ERBB4: variants seen among roughly 807,000 people sequenced by gnomAD.
The protein encoded by ERBB4 is receptor tyrosine-protein kinase erbB-4.
ERBB4 carries 42 observed loss-of-function variants against 158.0 expected under a neutral mutation model. That is an observed-to-expected ratio of 0.27 (90% CI 0.21 to 0.34). The LOEUF (loss-of-function observed/expected upper bound fraction) is 0.34, where lower values mean the gene tolerates loss of function less well. ERBB4 is among the 10% of genes least tolerant of loss of function. The pLI, the probability that ERBB4 is intolerant of heterozygous loss-of-function variation, is 1.00. For synonymous variants in ERBB4, 583 were observed against 558.7 expected, an observed-to-expected ratio of 1.04 and a Z score of -0.61; for missense variants, 1,333 against 1,624.1, an observed-to-expected ratio of 0.82 and a Z score of 3.08.
chr2:211,889,157 G>C (rs941430979), intron 3 of ERBB4, among the ~76,000 whole-genome samples: 10 of 143,700 alleles, frequency 7.0e-5, no homozygotes, highest in Non-Finnish European at 1.4e-4. Flanking sequence ...CTGTCTGACA[G>C]CTTTGAAGAG....
intron 1 of ERBB4, among the ~76,000 whole-genome samples, chr2:212,193,433 T>C (rs923970968): frequency 1.3e-5 from 2 of 152,104 alleles, no homozygotes; most frequent in Non-Finnish European, 2.9e-5. Context: ...TCTAGTTTAA[T>C]ACCTGCTGGG....
chr2:211,788,704 A>T (rs10932401), intron 3 of ERBB4, among the ~76,000 whole-genome samples: 92,905 of 151,938 alleles, frequency 0.61, 29,048 homozygotes, highest in African/African-American at 0.67. Context: ...GTTTTAAGAT[A>T]TTTGGTATCA....
intron 3 of ERBB4, among the ~76,000 whole-genome samples, chr2:211,901,715 G>C (rs762764718): frequency 6.6e-6 from 1 of 152,108 alleles, no homozygotes; most frequent in Non-Finnish European, 1.5e-5. Context: ...GTTAGGACTT[G>C]TCAAGGAAAA....
chr2:211,866,013 C>T (rs1369146825), intron 3 of ERBB4, among the ~76,000 whole-genome samples: 1 of 152,158 alleles, frequency 6.6e-6, no homozygotes, highest in East Asian at 1.9e-4. Context: ...AGAATATACA[C>T]TTATACTGTG....
rs766218904 is a variant in ERBB4, at chr2:211,561,926, T to C, written c.2464A>G (p.Asn822Asp). 1.2e-6 allele frequency: 2 copies of C among 1,614,116 alleles called. No homozygotes were observed. The highest frequency in any genetic ancestry group is 8.5e-7 in the Non-Finnish European group (1 of 1,180,010). Reference sequence around the variant, plus strand: ...ACCTTAGCTATCTGGACACACCAGTTAAGCAGCAGTTGTGATCCAATGTTA... The same window carrying C: ...ACCTTAGCTATCTGGACACACCAGTCAAGCAGCAGTTGTGATCCAATGTTA... ...KDNIGSQLLL[N>D]WCVQIAKGMM... Residue 822 changes from asparagine to aspartate, a missense_variant, in exon 20 of 28, where the codon AAC becomes GAC. By Grantham distance (23) the Asn-to-Asp change is conservative. Transcript: ENST00000342788.
intron 1 of ERBB4, among the ~76,000 whole-genome samples, chr2:212,315,301 T>G (rs905596336): frequency 6.6e-6 from 1 of 151,364 alleles, no homozygotes; most frequent in Non-Finnish European, 1.5e-5. Flanking sequence ...CACTTTCTCT[T>G]AATTAAATTA....
chr2:211,974,699 G>A (rs1275225063), intron 2 of ERBB4, among the ~76,000 whole-genome samples: 6 of 152,156 alleles, frequency 3.9e-5, no homozygotes, highest in East Asian at 1.9e-4. Context: ...AGGCTGCAGT[G>A]AGCCAAGGTC....
chr2:211,691,972 A>G (rs2072840274), intron 12 of ERBB4, among the ~76,000 whole-genome samples: 1 of 152,186 alleles, frequency 6.6e-6, no homozygotes, highest in African/African-American at 2.4e-5. Flanking sequence ...AGGAGAGTAA[A>G]GGACCTCCTA....
chr2:211,908,691 G>A (rs2079462212), intron 3 of ERBB4, among the ~76,000 whole-genome samples: 1 of 151,692 alleles, frequency 6.6e-6, no homozygotes. Context: ...AGACCATAGT[G>A]ACATTTGATT....
intron 2 of ERBB4, among the ~76,000 whole-genome samples, chr2:212,003,112 A>AGAAAGAAG (rs2076147924): frequency 4.2e-5 from 2 of 48,146 alleles, no homozygotes; most frequent in Non-Finnish European, 8.0e-5. Context: ...AAAGAAAGAA[A>AGAAAGAAG]GAAGGAAGGA....
chr2:212,044,989 A>G (rs929433483), intron 2 of ERBB4, among the ~76,000 whole-genome samples: 1 of 152,106 alleles, frequency 6.6e-6, no homozygotes, highest in Non-Finnish European at 1.5e-5. Context: ...CCCGTCATAT[A>G]TTAACAGTTA....
chr2:212,260,086 G>GAA (rs1234090119), intron 1 of ERBB4, among the ~76,000 whole-genome samples: 4 of 148,038 alleles, frequency 2.7e-5, no homozygotes, highest in African/African-American at 5.0e-5. Context: ...AAAAAAAAAA[G>GAA]AAAAGAAAAG....
intron 20 of ERBB4, among the ~76,000 whole-genome samples, chr2:211,519,316 T>G (rs1007299884): frequency 2.6e-5 from 4 of 152,320 alleles, no homozygotes; most frequent in Admixed American, 2.0e-4. Flanking sequence ...CCTATTAATA[T>G]AGACTGTAGA....
chr2:211,677,639 C>T (rs922032354), intron 13 of ERBB4, among the ~76,000 whole-genome samples: 7 of 151,268 alleles, frequency 4.6e-5, no homozygotes, highest in African/African-American at 1.2e-4. Context: ...CTTTGGGAGG[C>T]TGAGGCAGGT....
At chr2:211,402,011 G>C (rs1166319485) in intron 25 of ERBB4, among the ~76,000 whole-genome samples, 1 of 151,666 alleles carries the variant, frequency 6.6e-6, no homozygotes, top group Non-Finnish European at 1.5e-5. Context: ...CCAGGGTGCA[G>C]CTATGATCCA....
chr2:212,115,273 C>A lies in ERBB4; in HGVS notation c.234+9479G>T, dbSNP rs192785116. 4.6e-5 allele frequency among the ~76,000 whole-genome samples: 7 copies of A among 151,846 alleles called. No individual in the cohort carries two copies. In the East Asian group the frequency reaches 1.2e-3, roughly 25 times the overall value. On this transcript the variant is annotated intron_variant, in intron 2 of 27. Transcript: ENST00000342788. ...CTTAAATTATACTCTATGTGACCAA[C>A]GAGAGACCTTTAAAATTGATTTGGT...
intron 3 of ERBB4, among the ~76,000 whole-genome samples, chr2:211,875,050 A>AAAAAAAAAAAC (rs66500425): frequency 4.2e-4 from 32 of 75,856 alleles, no homozygotes; most frequent in African/African-American, 1.2e-3. Context: ...AAAAAAAAAA[A>AAAAAAAAAAAC]CAAACTCAAA....
chr2:212,368,423 A>AG (rs1384399721), intron 1 of ERBB4, among the ~76,000 whole-genome samples: 1 of 152,102 alleles, frequency 6.6e-6, no homozygotes, highest in African/African-American at 2.4e-5. Flanking sequence ...TGGGGATTTG[A>AG]GGGGAAGAGT....
intron 1 of ERBB4, among the ~76,000 whole-genome samples, chr2:212,178,106 G>GAAATA (rs893434225): frequency 7.9e-5 from 12 of 151,562 alleles, no homozygotes; most frequent in African/African-American, 2.9e-4. Flanking sequence ...AGATAAGGCC[G>GAAATA]AAATATAAGA....
Sources: gnomAD v4.1 joint callset for allele counts (sites outside exome capture counted in the v4.1 genomes callset) on GRCh38, gnomAD v4.1.1 for gene constraint, MANE v1.5 for transcripts, NCBI Gene and HGNC (gene_info 2026-07-23, HGNC 2026-07-21) for gene names.